The following DENND6B variants were observed in gnomAD, a reference collection of about 807,000 sequenced individuals.
DENND6B encodes the protein protein DENND6B.
In DENND6B, 73 loss-of-function variants were observed where a neutral mutation model predicts 85.1. The observed-to-expected ratio is 0.86, with a 90% CI of 0.71 to 1.04. The LOEUF (loss-of-function observed/expected upper bound fraction) is 1.04. Among genes scored for constraint, DENND6B ranks in the 50% least tolerant of loss-of-function variants. The pLI is 0.00. For missense variants in DENND6B, 715 were observed against 785.8 expected (o/e 0.91, Z 1.08); for synonymous variants, 357 against 329.3 (o/e 1.08, Z -0.91).
intron 1 of DENND6B, among the ~76,000 whole-genome samples, chr22:50,326,426 C>T (rs1444226091): frequency 6.6e-6 from 1 of 152,236 alleles, no homozygotes; most frequent in Non-Finnish European, 1.5e-5. Context: ...AGCCGTCAGC[C>T]TCGCCTATGC....
At chr22:50,317,200 G>A in intron 5 of DENND6B, 93 bp downstream of exon 5, 2 of 1,403,582 alleles carry the variant, frequency 1.4e-6, no homozygotes, top group Non-Finnish European at 2.0e-6. Context: ...CACTGCTGGA[G>A]GCTCAGGCCC....
intron 1 of DENND6B, among the ~76,000 whole-genome samples, chr22:50,326,515 C>G (rs1377616498): frequency 1.3e-5 from 2 of 152,320 alleles, no homozygotes; most frequent in East Asian, 3.9e-4. Flanking sequence ...GTCACTGCTC[C>G]GGTGGGGAAT....
At chr22:50,315,580 A>C in intron 9 of DENND6B, 134 bp downstream of exon 9, 1 of 1,084,910 alleles carries the variant, frequency 9.2e-7, no homozygotes, top group South Asian at 1.6e-5. Context: ...ATACACACAC[A>C]CACGTGCACA....
chr22:50,319,291 A>G, intron 1 of DENND6B: 1 of 985,276 alleles, frequency 1.0e-6, no homozygotes, highest in African/African-American at 1.7e-5. Context: ...TCTGACCTCC[A>G]GGCACCAGGC....
rs766242552 is a variant in DENND6B at position 50,314,584 on chromosome 22, C to A, written c.977+21G>T. The A allele has an allele frequency of 4.5e-6, 7 of 1,556,764 alleles. No individual in the cohort carries two copies. The East Asian group carries it at 9.7e-5, about 21-fold the overall frequency. Reference sequence around the variant, plus strand: ...GGCAGGGCGGAGCAAGGGCAAGAGGCGGGGCAGAGGCGGCACTTACGGGGC... The same window carrying A: ...GGCAGGGCGGAGCAAGGGCAAGAGGAGGGGCAGAGGCGGCACTTACGGGGC... On this transcript the variant is annotated intron_variant, in intron 11 of 19. Coordinates refer to ENST00000413817, the MANE Select transcript of DENND6B (RefSeq NM_001001794.4).
intron 1 of DENND6B, among the ~76,000 whole-genome samples, chr22:50,321,890 G>C (rs2042056246): frequency 6.6e-6 from 1 of 151,936 alleles, no homozygotes; most frequent in Non-Finnish European, 1.5e-5. Context: ...TTTTTACACT[G>C]CTGTGTAGAG....
At position 50,313,010 on chromosome 22, in the gene DENND6B, C is replaced by T; in HGVS notation, c.1446G>A (p.Leu482=). The T allele has an allele frequency of 6.4e-7, 1 of 1,558,134 alleles. No homozygotes were observed. Among genetic ancestry groups the T allele is most frequent in the Middle Eastern group, 1.7e-4 (1 of 5,920 alleles). Residue 482 remains leucine, a synonymous_variant, in exon 17 of 20, where the codon CTG becomes CTA. Coordinates refer to ENST00000413817, the MANE Select transcript of DENND6B (RefSeq NM_001001794.4). ...TGCAGTCCACGCACCTGTAGAGACC[C>T]AGCCAGTCGCCCTTGAGGATGCAGG... ...QLTCILKGDW[L]GLYRRFFKSP...
chr22:50,314,164 C>G, intron 13 of DENND6B, 43 bp downstream of exon 13: 1 of 1,573,714 alleles, frequency 6.4e-7, no homozygotes, highest in Non-Finnish European at 8.6e-7. Flanking sequence ...ACAAGACAGG[C>G]CTCTCCACGG....
At chr22:50,313,345 TCCTGCCCAGC>T in intron 16 of DENND6B, 91 bp downstream of exon 16, 3 of 1,439,566 alleles carry the variant, frequency 2.1e-6, no homozygotes, top group Non-Finnish European at 2.8e-6. Context: ...GGCCTGTGGC[TCCTGCCCAGC>T]CACAGCCTCC....
chr22:50,321,534 T>C (rs961565707), intron 1 of DENND6B, among the ~76,000 whole-genome samples: 1 of 151,186 alleles, frequency 6.6e-6, no homozygotes, highest in African/African-American at 2.4e-5. Context: ...CTAACATTTT[T>C]CTATTTTTTA....
At chr22:50,313,134 C>T (rs200021797) in intron 16 of DENND6B, 26 bp from the exon 17 acceptor site, 50 of 1,545,044 alleles carry the variant, frequency 3.2e-5, no homozygotes, top group Admixed American at 1.6e-4. Context: ...TGAGCCAGCA[C>T]GTGGGAACTC....
intron 13 of DENND6B, 95 bp downstream of exon 13, chr22:50,314,112 G>A (rs1256321218): frequency 1.4e-6 from 2 of 1,433,170 alleles, no homozygotes; most frequent in Admixed American, 2.4e-5. Context: ...GAGGATCAGG[G>A]GTCTGGGGGC....
rs764968154 is a variant in DENND6B at position 50,312,261 on chromosome 22, C to A, written c.1636G>T (p.Val546Leu). The A allele has an allele frequency of 6.2e-7, 1 of 1,612,018 alleles. No individual in the cohort carries two copies. The highest frequency in any genetic ancestry group is 1.7e-5 in the Admixed American group (1 of 59,910). Residue 546 changes from valine (V) to leucine (L), a missense_variant and splice_region_variant, in exon 20 of 20, where the codon GTG becomes TTG. Transcript: ENST00000413817. ...DLVLKLREKLVRAQGHQLPVK... is the reference protein window; with the variant it reads ...DLVLKLREKLLRAQGHQLPVK... ...GGGAGCTGGTGGCCCTGAGCCCGCACCTGGAGGGGCAGCCATGGTCAGGGC... is the reference window on the plus strand; with the variant it reads ...GGGAGCTGGTGGCCCTGAGCCCGCAACTGGAGGGGCAGCCATGGTCAGGGC...
At chr22:50,323,147 G>T (rs1031818634) in intron 1 of DENND6B, among the ~76,000 whole-genome samples, 1 of 147,124 alleles carries the variant, frequency 6.8e-6, no homozygotes, top group African/African-American at 2.5e-5. Context: ...GATTACAGGT[G>T]TGAGCCACCA....
intron 1 of DENND6B, among the ~76,000 whole-genome samples, chr22:50,325,613 G>A (rs2042168712): frequency 6.6e-6 from 1 of 152,112 alleles, no homozygotes; most frequent in African/African-American, 2.4e-5. Flanking sequence ...GGGATTACAG[G>A]CATGAGTCAC....
rs2068052062 is a variant in DENND6B, at chr22:50,310,949, GAAAAAAAAAGAAAA to G, written c.*1176_*1189del. 1 of 150,546 alleles carries G rather than the reference GAAAAAAAAAGAAAA, an allele frequency of 6.6e-6. No homozygotes were observed. Among genetic ancestry groups the G allele is most frequent in the Non-Finnish European group, 1.5e-5 (1 of 67,600 alleles). 9.3% of individuals were successfully genotyped at this position (150,546 alleles called of 1,614,324 possible). A position where few individuals can be genotyped will look rare whatever the true frequency, so the allele number is the denominator to read the frequency against. On this transcript the variant is annotated 3_prime_UTR_variant, in exon 20 of 20. Coordinates refer to ENST00000413817, the MANE Select transcript of DENND6B (RefSeq NM_001001794.4). The stretch of plus-strand genomic sequence containing the variant: ...ACAGAGCGAGACTCCATTTCAAAAA[GAAAAAAAAAGAAAA>G]AGTCCCTCCCCCAGCCCTGTGTCCC...
At chr22:50,326,785 C>A in intron 1 of DENND6B, 27 bp downstream of exon 1, 1 of 1,360,374 alleles carries the variant, frequency 7.4e-7, no homozygotes, top group South Asian at 1.7e-5. Flanking sequence ...TGCCCACCCG[C>A]CCGCGCCCGC....
chr22:50,312,346 CTTCTCACGAAGT>C lies in DENND6B; in HGVS notation c.1620_1631del (p.Arg542_Leu545del). On this transcript the variant is annotated inframe_deletion, in exon 19 of 20. Coordinates refer to ENST00000413817, the MANE Select transcript of DENND6B (RefSeq NM_001001794.4). ...ACAAGGCTGGGAGGCATCTTACCAG[CTTCTCACGAAGT>C]TTCAGGACCAGGTCCACGACCTCCA... The C allele has an allele frequency of 6.2e-7, 1 of 1,611,540 alleles. No homozygotes were observed. The highest frequency in any genetic ancestry group is 8.5e-7 in the Non-Finnish European group (1 of 1,179,286).
In DENND6B at chr22:50,313,516, G is replaced by A. The variant is rs1351733037; in HGVS notation, c.1294-17C>T. The A allele has an allele frequency of 3.2e-6, 5 of 1,543,880 alleles. No homozygotes were observed. In the East Asian group the frequency reaches 1.2e-4, roughly 38 times the overall value. ...GTAGTGCTCCTGGGTGGGGAAGGGAGGGGAGTGAGCCCGGGGACCCATGCC... is the reference window on the plus strand; with the variant it reads ...GTAGTGCTCCTGGGTGGGGAAGGGAAGGGAGTGAGCCCGGGGACCCATGCC... On this transcript the variant is annotated splice_polypyrimidine_tract_variant and intron_variant, in intron 15 of 19. Coordinates refer to ENST00000413817, the MANE Select transcript of DENND6B (RefSeq NM_001001794.4).
Sources: allele counts gnomAD v4.1 joint callset (sites outside exome capture counted in the v4.1 genomes callset), GRCh38; gene constraint gnomAD v4.1.1; transcripts MANE v1.5; gene names NCBI Gene and HGNC (gene_info 2026-07-23, HGNC 2026-07-21).